Variants in COL4A1 observed in about 807,000 individuals in gnomAD.
COL4A1 encodes collagen alpha-1(IV) chain.
Under a neutral mutation model 216.6 loss-of-function variants are expected in COL4A1, and 40 were observed. The ratio of observed to expected loss-of-function variants is 0.18; its 90% confidence interval spans 0.14 to 0.24. The LOEUF is 0.24. Ranked by LOEUF, COL4A1 falls within the 10% of genes least tolerant of loss-of-function variation. COL4A1 has a pLI of 1.00. For missense variants in COL4A1, 1,628 were observed against 2,196.8 expected, an observed-to-expected ratio of 0.74 and a Z score of 5.18; for synonymous variants, 839 against 810.7, an observed-to-expected ratio of 1.03 and a Z score of -0.59.
At chr13:110,190,753 C>T (rs1878591688) in intron 24 of COL4A1, 1 of 152,158 alleles carries the variant, frequency 6.6e-6, no homozygotes, top group African/African-American at 2.4e-5. Context: ...GAATTATTTA[C>T]CCATAAATTT....
In COL4A1 at chr13:110,255,149, G is replaced by T. The variant is rs560946464; in HGVS notation, c.85-12415C>A. On this transcript the variant is annotated intron_variant, in intron 1 of 51. Coordinates refer to ENST00000375820, the MANE Select transcript of COL4A1 (RefSeq NM_001845.6). Reference sequence around the variant, plus strand: ...CAGCCCTGCACAGGGCTGCCTGAAGGCCAGAGTGCTGCAAGGACACTGGTG... The same window carrying T: ...CAGCCCTGCACAGGGCTGCCTGAAGTCCAGAGTGCTGCAAGGACACTGGTG... Among the ~76,000 whole-genome samples, 323 of 152,320 alleles carry T rather than the reference G, an allele frequency of 2.1e-3. 2 individuals are homozygous for T. Among genetic ancestry groups the T allele is most frequent in the Middle Eastern group, 3.4e-3 (1 of 294 alleles).
At chr13:110,247,402 C>A (rs1881866332) in intron 1 of COL4A1, among the ~76,000 whole-genome samples, 1 of 152,264 alleles carries the variant, frequency 6.6e-6, no homozygotes, top group African/African-American at 2.4e-5. Flanking sequence ...AACCAAATAT[C>A]TTTTATATTC....
intron 50 of COL4A1, 42 bp downstream of exon 50, chr13:110,155,241 G>T: frequency 6.8e-7 from 1 of 1,463,808 alleles, no homozygotes. Flanking sequence ...GGGCGTGAGT[G>T]GGGCTCTTCC....
At position 110,207,543 on chromosome 13, in the gene COL4A1, T is replaced by G. The variant is rs764149434; in HGVS notation, c.694-54A>C. ...AGGCATGAAAACAATTATGCAGACA[T>G]GAAAAATTGCAGAGAGAGGTAAAAG... On this transcript the variant is annotated intron_variant, in intron 12 of 51. Transcript: ENST00000375820. This position sits in a 1 kb window ranked among gnomAD's most constrained non-coding sequence, Gnocchi z 4.4. The G allele has an allele frequency of 6.9e-7, 1 of 1,449,302 alleles. No individual in the cohort carries two copies. Among genetic ancestry groups the G allele is most frequent in the Non-Finnish European group, 9.7e-7 (1 of 1,031,406 alleles). 89.8% of individuals were successfully genotyped at this position (1,449,302 alleles called of 1,614,324 possible).
At chr13:110,233,500 G>C (rs529698822) in intron 2 of COL4A1, among the ~76,000 whole-genome samples, 1 of 152,120 alleles carries the variant, frequency 6.6e-6, no homozygotes, top group Non-Finnish European at 1.5e-5. Flanking sequence ...GATATCTCAC[G>C]CATGTTCCCC....
At chr13:110,171,092 GC>G (rs1220771511) in intron 41 of COL4A1, among the ~76,000 whole-genome samples, 1 of 152,232 alleles carries the variant, frequency 6.6e-6, no homozygotes, top group Non-Finnish European at 1.5e-5. Flanking sequence ...ACATGAATGG[GC>G]TGGACAAGCC....
rs1377162046 is a variant in COL4A1 at position 110,192,263 on chromosome 13, G to C, written c.1487C>G (p.Ala496Gly). ...GEIGFPGQPG[A>G]KGDRGLPGRD... ...GCCAGGCAAACCTCTGTCGCCCTTGGCCCCTGGCTGCCCTGGGAAACCTTT... is the reference window on the plus strand; with the variant it reads ...GCCAGGCAAACCTCTGTCGCCCTTGCCCCCTGGCTGCCCTGGGAAACCTTT... The change falls in exon 24 of 52, where the codon GCC becomes GGC. Residue 496 changes from alanine (A) to glycine (G), a missense_variant. Ala to Gly is a moderately conservative substitution (Grantham distance 60). This residue lies in a region of COL4A1 where 701 missense variants were observed against 892.5 expected (regional missense o/e 0.79). Coordinates refer to ENST00000375820, the MANE Select transcript of COL4A1 (RefSeq NM_001845.6). 1.9e-6 allele frequency: 3 copies of C among 1,614,140 alleles called. No homozygotes were observed. Among genetic ancestry groups the C allele is most frequent in the Middle Eastern group, 1.6e-4 (1 of 6,062 alleles).
chr13:110,154,517 G>A (rs1876672354), intron 50 of COL4A1, among the ~76,000 whole-genome samples: 2 of 152,256 alleles, frequency 1.3e-5, no homozygotes, highest in South Asian at 4.1e-4. Flanking sequence ...GTAGTAGAAT[G>A]TGTACTCCCC....
chr13:110,283,061 TTC>T (rs143146725), intron 1 of COL4A1, among the ~76,000 whole-genome samples: 14,724 of 152,178 alleles, frequency 0.097, 957 homozygotes, highest in Non-Finnish European at 0.13. Flanking sequence ...CATGGTATCT[TTC>T]TCTCTCTTTG....
intron 38 of COL4A1, 33 bp from the exon 39 acceptor site, chr13:110,174,559 T>A (rs1327082112): frequency 6.2e-7 from 1 of 1,613,990 alleles, no homozygotes; most frequent in Admixed American, 1.7e-5. Context: ...AGAACATCCA[T>A]AAGTTTGGGC....
At chr13:110,296,157 C>T (rs1190928481) in intron 1 of COL4A1, among the ~76,000 whole-genome samples, 1 of 152,254 alleles carries the variant, frequency 6.6e-6, no homozygotes, top group Non-Finnish European at 1.5e-5. Context: ...TGATGGATCT[C>T]ATGAGAAGTG....
chr13:110,242,607 T>C, intron 2 of COL4A1, 68 bp downstream of exon 2: 1 of 1,514,464 alleles, frequency 6.6e-7, no homozygotes, highest in Non-Finnish European at 9.2e-7. Flanking sequence ...ATTATTCGGT[T>C]ACTGTTAATG....
At chr13:110,266,834 T>A (rs1883056042) in intron 1 of COL4A1, among the ~76,000 whole-genome samples, 1 of 152,190 alleles carries the variant, frequency 6.6e-6, no homozygotes, top group Non-Finnish European at 1.5e-5. Flanking sequence ...ACCACGAATG[T>A]GGCAAAATGT....
intron 20 of COL4A1, among the ~76,000 whole-genome samples, chr13:110,199,596 C>T (rs879323076): frequency 2.6e-5 from 4 of 152,198 alleles, no homozygotes; most frequent in Non-Finnish European, 4.4e-5. Context: ...ACGAGGCCAA[C>T]CAGACCCTCA....
intron 2 of COL4A1, among the ~76,000 whole-genome samples, chr13:110,215,343 A>G (rs1880017736): frequency 6.6e-6 from 1 of 152,044 alleles, no homozygotes; most frequent in Non-Finnish European, 1.5e-5. Context: ...GCAGATCACC[A>G]GAGGTCAGGA....
At chr13:110,259,349 T>C (rs1882709960) in intron 1 of COL4A1, among the ~76,000 whole-genome samples, 1 of 152,238 alleles carries the variant, frequency 6.6e-6, no homozygotes, top group Non-Finnish European at 1.5e-5. Context: ...ATATTTATTC[T>C]AAACTTTGTG....
rs503053 is a variant in COL4A1, at chr13:110,179,104, T to C, written c.2345-68A>G. The C allele has an allele frequency of 0.37, 572,956 of 1,535,320 alleles. 108,539 individuals are homozygous for C. Among genetic ancestry groups the C allele is most frequent in the African/African-American group, 0.52 (37,873 of 73,342 alleles). On this transcript the variant is annotated intron_variant, in intron 30 of 51. Coordinates refer to ENST00000375820, the MANE Select transcript of COL4A1 (RefSeq NM_001845.6). Reference sequence around the variant, plus strand: ...CACGTCTCCCGGCCTAGGAGACCCATGCACACGAATGGCCCCAGCAACGGA... The same window carrying C: ...CACGTCTCCCGGCCTAGGAGACCCACGCACACGAATGGCCCCAGCAACGGA...
chr13:110,295,327 C>G (rs1232949610), intron 1 of COL4A1, among the ~76,000 whole-genome samples: 4 of 148,036 alleles, frequency 2.7e-5, no homozygotes, highest in Non-Finnish European at 5.9e-5. Context: ...GATTTTAAGT[C>G]CAAATCTTAA....
chr13:110,168,029 T>C (rs1877424315), intron 43 of COL4A1, among the ~76,000 whole-genome samples: 1 of 50,344 alleles, frequency 2.0e-5, no homozygotes, highest in Non-Finnish European at 4.5e-5. Flanking sequence ...TTCTTCCTCT[T>C]TTTTTTTTGA....
Sources: allele counts gnomAD v4.1 joint callset (sites outside exome capture counted in the v4.1 genomes callset), GRCh38; gene constraint gnomAD v4.1.1; regional missense constraint gnomAD v4.1.1; non-coding constraint Gnocchi (gnomAD v3.1); transcripts MANE v1.5; gene names NCBI Gene and HGNC (gene_info 2026-07-23, HGNC 2026-07-21).